HEATR3: variants seen among roughly 807,000 people sequenced by gnomAD.
HEATR3 encodes HEAT repeat containing 3.
In HEATR3, 56 loss-of-function variants were observed where a neutral mutation model predicts 72.8. The ratio of observed to expected loss-of-function variants is 0.77; its 90% CI spans 0.62 to 0.96. HEATR3 has a LOEUF of 0.96. Ranked by LOEUF, HEATR3 falls within the 40% of genes least tolerant of loss-of-function variation. The pLI, the probability that HEATR3 is intolerant of heterozygous loss-of-function variation, is 0.00. For missense variants in HEATR3, 747 were observed against 831.4 expected, an observed-to-expected ratio of 0.90 and a Z score of 1.25; for synonymous variants, 331 against 318.1, an observed-to-expected ratio of 1.04 and a Z score of -0.43.
At position 50,100,247 on chromosome 16, in the gene HEATR3, G is replaced by C. The variant is rs1385490171; in HGVS notation, c.1617G>C (p.Gln539His). ...TTTAACAGTGCATGACTCCTGATCA[G>C]CTGATGACATTATGCAAAGCAGGCA... ...KNISQCMTPD[Q>H]LMTLCKAGIH... The change falls in exon 13 of 15, where the codon CAG becomes CAC. Residue 539 changes from glutamine (Q) to histidine (H), a missense_variant. Gln to His is a conservative substitution (Grantham distance 24). Transcript: ENST00000299192. 2 of 1,613,906 alleles carry C rather than the reference G, an allele frequency of 1.2e-6. No individual in the cohort carries two copies. Among genetic ancestry groups the C allele is most frequent in the South Asian group, 2.2e-5 (2 of 91,066 alleles).
At chr16:50,070,323 T>C (rs7191384) in intron 4 of HEATR3, 33 bp downstream of exon 4, 103,191 of 1,089,498 alleles carry the variant, frequency 0.095, 6,518 homozygotes, top group East Asian at 0.29. Context: ...TCTCCTGCTA[T>C]AGCAGTACCC....
chr16:50,106,644 TC>T lies in HEATR3; in HGVS notation c.*1585del, dbSNP rs1419252336. ...GCCTCTGAACCGGCTTCATTGTCCA[TC>T]CGTTTGCCTGATGAGAAGGGAAATT... On this transcript the variant is annotated 3_prime_UTR_variant, in exon 15 of 15. Transcript: ENST00000299192. 2 of 152,134 alleles carry T rather than the reference TC, an allele frequency of 1.3e-5. No homozygotes were observed. The highest frequency in any genetic ancestry group is 3.8e-4 in the East Asian group (2 of 5,196). The allele number at this position is 152,134 out of a possible 1,614,324, so 9.4% of individuals were successfully genotyped here.
intron 6 of HEATR3, among the ~76,000 whole-genome samples, chr16:50,076,370 T>C (rs1471199220): frequency 4.0e-5 from 6 of 151,788 alleles, no homozygotes; most frequent in African/African-American, 1.5e-4. Flanking sequence ...GTATTTTTGG[T>C]AGAGACGGGG....
At chr16:50,099,455 A>G (rs1279777509) in intron 12 of HEATR3, among the ~76,000 whole-genome samples, 2 of 152,334 alleles carry the variant, frequency 1.3e-5, no homozygotes, top group East Asian at 1.9e-4. Flanking sequence ...AAATAAAAAT[A>G]CATTAGTCTA....
In HEATR3 at chr16:50,078,770, C is replaced by T; in HGVS notation, c.793C>T (p.Pro265Ser). The T allele has an allele frequency of 6.2e-7, 1 of 1,613,630 alleles. No individual in the cohort carries two copies. The change falls in exon 7 of 15, where the codon CCA becomes TCA. Residue 265 changes from proline (P) to serine (S), a missense_variant. Physicochemically the swap from Pro to Ser is moderately conservative, Grantham distance 74. This residue lies in a region of HEATR3 where 586 missense variants were observed against 708.8 expected (regional missense o/e 0.83). Transcript: ENST00000299192. ...AATTTGGAATCTAAAGGACATTATTCCATGCAAGAGTCAAGCAGAAATCAT... is the reference window on the plus strand; with the variant it reads ...AATTTGGAATCTAAAGGACATTATTTCATGCAAGAGTCAAGCAGAAATCAT... ...GTIWNLKDII[P>S]CKSQAEIINA... is the part of the protein sequence containing the mutation.
chr16:50,088,299 A>C (rs970286500), intron 11 of HEATR3, among the ~76,000 whole-genome samples: 13 of 152,226 alleles, frequency 8.5e-5, no homozygotes, highest in Non-Finnish European at 1.5e-4. Context: ...AATCTTTAAA[A>C]ATTAAGTAAT....
chr16:50,065,971 G>A lies in HEATR3; in HGVS notation c.-161G>A. On this transcript the variant is annotated 5_prime_UTR_variant, in exon 1 of 15. Coordinates refer to ENST00000299192, the MANE Select transcript of HEATR3 (RefSeq NM_182922.4). ...GCCCCGCCCCAACCCCGACCCGGCA[G>A]ACGACGCGCCGTGCGCCTGCGCACG... 1 of 191,994 alleles carries A rather than the reference G, an allele frequency of 5.2e-6. No homozygotes were observed. The highest frequency in any genetic ancestry group is 1.0e-5 in the Non-Finnish European group (1 of 99,888). 11.9% of individuals were successfully genotyped at this position (191,994 alleles called of 1,614,324 possible). A position where few individuals can be genotyped will look rare whatever the true frequency, so the allele number is the denominator to read the frequency against.
rs546314180 is a variant in HEATR3, at chr16:50,067,065, G to T, written c.311+526G>T. Among the ~76,000 whole-genome samples, 43 of 152,216 alleles carry T rather than the reference G, an allele frequency of 2.8e-4. No individual in the cohort carries two copies. In the South Asian group the frequency reaches 8.9e-3, roughly 32 times the overall value. ...TGGGGGTGGGAAGTTTGAATTGGGT[G>T]CTCTTGGGCCGGGCGCGGTGGCACA... is the stretch of plus-strand genomic sequence containing the variant. On this transcript the variant is annotated intron_variant, in intron 2 of 14. Coordinates refer to ENST00000299192, the MANE Select transcript of HEATR3 (RefSeq NM_182922.4).
At chr16:50,071,462 A>G (rs2036609556) in intron 4 of HEATR3, among the ~76,000 whole-genome samples, 1 of 152,384 alleles carries the variant, frequency 6.6e-6, no homozygotes, top group East Asian at 1.9e-4. Flanking sequence ...TTTAAGTCAT[A>G]GAAATTGTTG....
intron 14 of HEATR3, among the ~76,000 whole-genome samples, chr16:50,104,268 A>G (rs2037431435): frequency 6.6e-6 from 1 of 152,128 alleles, no homozygotes; most frequent in Admixed American, 6.6e-5. Flanking sequence ...CAGGAGGATC[A>G]CTTGCGTCCG....
rs547164823 is a variant in HEATR3 at position 50,087,092 on chromosome 16, G to T, written c.1510+741G>T. Among the ~76,000 whole-genome samples, 186 of 152,306 alleles carry T rather than the reference G, an allele frequency of 1.2e-3. 1 individual carries two copies. The highest frequency in any genetic ancestry group is 2.6e-4 in the Non-Finnish European group (18 of 68,030). ...TCTCCGACACCCAGTTCCTCTCCCAGAGTCAAGTTACTGTTGCACCAGTTA... is the reference window on the plus strand; with the variant it reads ...TCTCCGACACCCAGTTCCTCTCCCATAGTCAAGTTACTGTTGCACCAGTTA... On this transcript the variant is annotated intron_variant, in intron 11 of 14. Coordinates refer to ENST00000299192, the MANE Select transcript of HEATR3 (RefSeq NM_182922.4).
At chr16:50,077,197 A>G (rs894977117) in intron 6 of HEATR3, among the ~76,000 whole-genome samples, 1 of 148,310 alleles carries the variant, frequency 6.7e-6, no homozygotes, top group Admixed American at 6.7e-5. Flanking sequence ...TTTTTAGTAG[A>G]GACGAGGTTT....
rs1344980523 is a variant in HEATR3, at chr16:50,078,734, T to C, written c.764-7T>C. 2 of 1,602,212 alleles carry C rather than the reference T, an allele frequency of 1.2e-6. No homozygotes were observed. Among genetic ancestry groups the C allele is most frequent in the Non-Finnish European group, 1.7e-6 (2 of 1,174,988 alleles). ...ATTTCTTATCCTTATGCTTGTTTTTTTCCCAGGCACAATTTGGAATCTAAA... is the reference window on the plus strand; with the variant it reads ...ATTTCTTATCCTTATGCTTGTTTTTCTCCCAGGCACAATTTGGAATCTAAA... On this transcript the variant is annotated splice_polypyrimidine_tract_variant and splice_region_variant and intron_variant, in intron 6 of 14. Transcript: ENST00000299192.
At chr16:50,078,280 A>G (rs1420623080) in intron 6 of HEATR3, among the ~76,000 whole-genome samples, 1 of 152,206 alleles carries the variant, frequency 6.6e-6, no homozygotes, top group Non-Finnish European at 1.5e-5. Context: ...TACTCTGACT[A>G]CTTAATGATA....
intron 11 of HEATR3, among the ~76,000 whole-genome samples, chr16:50,090,650 A>C (rs1227502442): frequency 6.6e-6 from 1 of 152,206 alleles, no homozygotes; most frequent in Non-Finnish European, 1.5e-5. Context: ...TGGTTTTCAA[A>C]ACATCAATGC....
intron 7 of HEATR3, among the ~76,000 whole-genome samples, chr16:50,083,671 C>T (rs1456935209): frequency 6.6e-6 from 1 of 152,144 alleles, no homozygotes; most frequent in African/African-American, 2.4e-5. Context: ...TGTCTGTTCT[C>T]TCCAGCTAAC....
intron 6 of HEATR3, 117 bp from the exon 7 acceptor site, chr16:50,078,624 G>GT: frequency 1.0e-6 from 1 of 957,608 alleles, no homozygotes; most frequent in Non-Finnish European, 1.5e-6. Flanking sequence ...AACAAAGGCA[G>GT]TAGGGCTGAG....
chr16:50,104,964 A>G lies in HEATR3; in HGVS notation c.1946A>G (p.Tyr649Cys), dbSNP rs980376059. The G allele has an allele frequency of 3.1e-6, 5 of 1,610,370 alleles. No individual in the cohort carries two copies. Among genetic ancestry groups the G allele is most frequent in the Non-Finnish European group, 2.5e-6 (3 of 1,179,188 alleles). The change falls in exon 15 of 15, where the codon TAT becomes TGT. Residue 649 changes from tyrosine (Y) to cysteine (C), a missense_variant. By Grantham distance (194) the Tyr-to-Cys change is radical. Transcript: ENST00000299192. ...MKIRKEGRGN[Y>C]STDQLCVLDN... The stretch of plus-strand genomic sequence containing the variant: ...ATACGTAAAGAAGGGAGAGGTAACT[A>G]TAGCACAGATCAGCTGTGTGTTCTT...
chr16:50,082,199 C>T (rs559879930), intron 7 of HEATR3, among the ~76,000 whole-genome samples: 3 of 152,034 alleles, frequency 2.0e-5, no homozygotes, highest in South Asian at 2.1e-4. Flanking sequence ...AAAAATTAGC[C>T]GAGAATGGTG....
Sources: allele counts gnomAD v4.1 joint callset (sites outside exome capture counted in the v4.1 genomes callset), GRCh38; gene constraint gnomAD v4.1.1; regional missense constraint gnomAD v4.1.1; transcripts MANE v1.5; gene names NCBI Gene and HGNC (gene_info 2026-07-23, HGNC 2026-07-21).